CDYL: variants seen among roughly 807,000 people sequenced by gnomAD.
CDYL encodes the protein chromodomain Y-like protein.
In CDYL, 8 loss-of-function variants were observed where a neutral mutation model predicts 47.3. That is an observed-to-expected ratio of 0.17 (90% confidence interval 0.10 to 0.31). The LOEUF (loss-of-function observed/expected upper bound fraction) is 0.31, where lower values mean the gene tolerates loss of function less well. Ranked by LOEUF, CDYL falls within the 10% of genes least tolerant of loss-of-function variation. CDYL has a pLI of 1.00. For synonymous variants in CDYL, 266 were observed against 265.0 expected (o/e 1.00, Z -0.04); for missense variants, 471 against 701.4 (o/e 0.67, Z 3.71).
intron 2 of CDYL, among the ~76,000 whole-genome samples, chr6:4,913,232 G>T (rs1326633963): frequency 6.6e-6 from 1 of 152,134 alleles, no homozygotes; most frequent in Non-Finnish European, 1.5e-5. Flanking sequence ...TTGAATGAGG[G>T]TAATTTTATT....
intron 2 of CDYL, among the ~76,000 whole-genome samples, chr6:4,716,939 A>G (rs1473039398): frequency 6.6e-6 from 1 of 152,168 alleles, no homozygotes; most frequent in East Asian, 1.9e-4. Context: ...AGAGGGACAC[A>G]GCTATGGAAA....
At chr6:4,856,361 G>A (rs376566202) in intron 1 of CDYL, among the ~76,000 whole-genome samples, 3 of 152,174 alleles carry the variant, frequency 2.0e-5, no homozygotes, top group East Asian at 3.9e-4. Context: ...GAGGTCGGCC[G>A]GATAGATAAT....
chr6:4,798,540 C>A (rs1242625969), intron 1 of CDYL, among the ~76,000 whole-genome samples: 2 of 152,232 alleles, frequency 1.3e-5, no homozygotes, highest in South Asian at 4.2e-4. Context: ...ATATGGTATA[C>A]TTTTGGTCTC....
At chr6:4,830,928 T>C (rs1462270821) in intron 1 of CDYL, among the ~76,000 whole-genome samples, 3 of 152,210 alleles carry the variant, frequency 2.0e-5, no homozygotes, top group Non-Finnish European at 2.9e-5. Context: ...ACAAAGGACC[T>C]GAGCTCATCA....
At chr6:4,777,024 G>T (rs956370882) in intron 1 of CDYL, among the ~76,000 whole-genome samples, 2 of 105,118 alleles carry the variant, frequency 1.9e-5, no homozygotes, top group African/African-American at 7.3e-5. Flanking sequence ...GGCGTGGGGT[G>T]GGGGGGGGGG....
chr6:4,795,551 G>C (rs1043066047), intron 1 of CDYL, among the ~76,000 whole-genome samples: 3 of 151,990 alleles, frequency 2.0e-5, no homozygotes, highest in Non-Finnish European at 2.9e-5. Flanking sequence ...TCGAGAATTT[G>C]ATCTTATTGA....
chr6:4,937,952 C>T (rs889246241), intron 4 of CDYL, among the ~76,000 whole-genome samples: 7 of 152,178 alleles, frequency 4.6e-5, no homozygotes, highest in South Asian at 2.1e-4. Context: ...TATGGGCCTG[C>T]CATGAATTAC....
chr6:4,914,638 C>T (rs1164737217), intron 2 of CDYL, among the ~76,000 whole-genome samples: 1 of 152,170 alleles, frequency 6.6e-6, no homozygotes, highest in Non-Finnish European at 1.5e-5. Flanking sequence ...CTGTAACCAG[C>T]GTTTTAGCTG....
intron 3 of CDYL, among the ~76,000 whole-genome samples, chr6:4,758,054 T>C (rs1337045974): frequency 6.6e-6 from 1 of 151,458 alleles, no homozygotes; most frequent in African/African-American, 2.4e-5. Flanking sequence ...AAAAATATCT[T>C]TGTGGCCTGG....
intron 2 of CDYL, among the ~76,000 whole-genome samples, chr6:4,717,473 G>T (rs895865440): frequency 1.3e-5 from 2 of 151,918 alleles, no homozygotes; most frequent in Non-Finnish European, 2.9e-5. Flanking sequence ...GAGGTGAGGG[G>T]ATCTCTTGAG....
At chr6:4,721,077 AAC>A (rs67266454) in intron 2 of CDYL, among the ~76,000 whole-genome samples, 19,392 of 152,150 alleles carry the variant, frequency 0.13, 1,493 homozygotes, top group African/African-American at 0.23. Context: ...AATAAATAGT[AAC>A]ACAGACTATT....
rs201355648 is a variant in CDYL, at chr6:4,784,995, G to A, written c.24+8188G>A. On this transcript the variant is annotated intron_variant, in intron 1 of 6. Coordinates refer to ENST00000397588, the MANE Select transcript of CDYL (RefSeq NM_004824.4). ...GATTGTGAGGCCCCCCCAGCCATGT[G>A]GAACTGAGTTAATTAAACTCGTTTC... 2.1e-4 allele frequency among the ~76,000 whole-genome samples: 32 copies of A among 152,314 alleles called. 1 individual carries two copies. In the South Asian group the frequency reaches 2.3e-3, roughly 11 times the overall value.
At chr6:4,840,508 T>C (rs1043877142) in intron 1 of CDYL, among the ~76,000 whole-genome samples, 1 of 152,330 alleles carries the variant, frequency 6.6e-6, no homozygotes, top group Admixed American at 6.5e-5. Context: ...TTTCAACTTT[T>C]CACCATTCAG....
At chr6:4,865,026 A>G (rs1011357078) in intron 1 of CDYL, among the ~76,000 whole-genome samples, 1 of 152,156 alleles carries the variant, frequency 6.6e-6, no homozygotes, top group African/African-American at 2.4e-5. Context: ...TCTCCATTTT[A>G]AAGTTTAACT....
At chr6:4,735,802 G>A (rs1017516184) in intron 3 of CDYL, among the ~76,000 whole-genome samples, 11 of 151,950 alleles carry the variant, frequency 7.2e-5, no homozygotes, top group African/African-American at 2.2e-4. Context: ...TAATGTATAC[G>A]TGCACCCCCA....
chr6:4,848,346 T>C (rs1760722258), intron 1 of CDYL, among the ~76,000 whole-genome samples: 1 of 152,144 alleles, frequency 6.6e-6, no homozygotes. Flanking sequence ...TTTATAGAAA[T>C]TGGAGAGTTT....
Position 4,953,965 on chromosome 6 carries a change from G to T in CDYL, c.1544G>T (p.Arg515Met). 1 of 1,614,060 alleles carries T rather than the reference G, an allele frequency of 6.2e-7. No homozygotes were observed. Among genetic ancestry groups the T allele is most frequent in the African/African-American group, 1.3e-5 (1 of 74,936 alleles). The change falls in exon 7 of 7, where the codon AGG becomes ATG. Residue 515 changes from arginine (R) to methionine (M), a missense_variant. Arg to Met is a moderately conservative substitution (Grantham distance 91). This residue lies in a region of CDYL where 57 missense variants were observed against 74.3 expected (regional missense o/e 0.77). Coordinates refer to ENST00000397588, the MANE Select transcript of CDYL (RefSeq NM_004824.4). ...MKMELEQANERECEVLKKIWG... is the reference protein window; with the variant it reads ...MKMELEQANEMECEVLKKIWG... ...ATGGAGCTGGAGCAGGCCAACGAGAGGGAGTGTGAGGTGCTGAAGAAAATC... is the reference window on the plus strand; with the variant it reads ...ATGGAGCTGGAGCAGGCCAACGAGATGGAGTGTGAGGTGCTGAAGAAAATC...
chr6:4,756,143 C>T (rs1040603866), intron 3 of CDYL, among the ~76,000 whole-genome samples: 1 of 152,186 alleles, frequency 6.6e-6, no homozygotes, highest in African/African-American at 2.4e-5. Context: ...GCTCCTTGCA[C>T]ATTCTCCTCC....
chr6:4,837,764 C>G (rs190118400), intron 1 of CDYL, among the ~76,000 whole-genome samples: 1 of 146,948 alleles, frequency 6.8e-6, no homozygotes, highest in Admixed American at 6.9e-5. Flanking sequence ...CGCGCCCGGC[C>G]TCTTATTTTT....
Sources: allele counts gnomAD v4.1 joint callset (sites outside exome capture counted in the v4.1 genomes callset), GRCh38; gene constraint gnomAD v4.1.1; regional missense constraint gnomAD v4.1.1; transcripts MANE v1.5; gene names NCBI Gene and HGNC (gene_info 2026-07-23, HGNC 2026-07-21).